TMPRSS11E: variants seen among roughly 807,000 people sequenced by gnomAD.
TMPRSS11E encodes the protein transmembrane protease serine 11E.
In TMPRSS11E, 38 loss-of-function variants were observed where a neutral mutation model predicts 48.1. That is an observed-to-expected ratio of 0.79 (90% confidence interval 0.61 to 1.04). The LOEUF (loss-of-function observed/expected upper bound fraction) is 1.04. Ranked by LOEUF, TMPRSS11E falls within the 50% of genes least tolerant of loss-of-function variation. TMPRSS11E has a pLI of 0.00. For synonymous variants in TMPRSS11E, 158 were observed against 171.9 expected (o/e 0.92, Z 0.63); for missense variants, 530 against 510.8 (o/e 1.04, Z -0.36).
chr4:68,482,077 T>C (rs1443124052), intron 9 of TMPRSS11E, among the ~76,000 whole-genome samples: 1 of 152,168 alleles, frequency 6.6e-6, no homozygotes, highest in Non-Finnish European at 1.5e-5. Flanking sequence ...GCTCGGTTTC[T>C]AGGGAGGAAG....
intron 9 of TMPRSS11E, among the ~76,000 whole-genome samples, chr4:68,490,651 A>G (rs182911021): frequency 6.6e-6 from 1 of 151,228 alleles, no homozygotes; most frequent in African/African-American, 2.4e-5. Flanking sequence ...GTGGTGAAAG[A>G]CTTGACTTCC....
chr4:68,484,431 T>C (rs1341122512), intron 9 of TMPRSS11E, among the ~76,000 whole-genome samples: 5 of 152,148 alleles, frequency 3.3e-5, no homozygotes, highest in Non-Finnish European at 7.4e-5. Context: ...TTCAGTCTCC[T>C]GAGTAGCGGG....
In TMPRSS11E at chr4:68,476,282, AAACTCT is replaced by A; in HGVS notation, c.553_558del (p.Thr185_Leu186del). On this transcript the variant is annotated inframe_deletion, in exon 7 of 10. Transcript: ENST00000305363. ...GCAGGCTGCGGAACACGAAGAAGTAAAACTCTAGGTCAGAGTCTCAGGATCGTTGGT... is the reference window on the plus strand; with the variant it reads ...GCAGGCTGCGGAACACGAAGAAGTAAAGGTCAGAGTCTCAGGATCGTTGGT... The A allele has an allele frequency of 6.2e-7, 1 of 1,614,126 alleles. No individual in the cohort carries two copies. The highest frequency in any genetic ancestry group is 8.5e-7 in the Non-Finnish European group (1 of 1,179,996).
chr4:68,459,709 A>G (rs1728735772), intron 1 of TMPRSS11E, among the ~76,000 whole-genome samples: 1 of 152,224 alleles, frequency 6.6e-6, no homozygotes, highest in African/African-American at 2.4e-5. Context: ...AATATTTCAC[A>G]ATTCTATATA....
At chr4:68,447,629 T>C in intron 1 of TMPRSS11E, 106 bp downstream of exon 1, 1 of 862,614 alleles carries the variant, frequency 1.2e-6, no homozygotes, top group East Asian at 2.7e-5. Flanking sequence ...ATTATTTTTT[T>C]AAATATAGAA....
At chr4:68,488,791 C>T (rs899721959) in intron 9 of TMPRSS11E, among the ~76,000 whole-genome samples, 3 of 152,200 alleles carry the variant, frequency 2.0e-5, no homozygotes, top group Non-Finnish European at 4.4e-5. Context: ...TACCCACCTT[C>T]GGCCTCCCAA....
intron 9 of TMPRSS11E, among the ~76,000 whole-genome samples, chr4:68,496,390 G>C (rs959655095): frequency 6.6e-6 from 1 of 151,998 alleles, no homozygotes; most frequent in African/African-American, 2.4e-5. Flanking sequence ...AGAGATGGAG[G>C]CTTCAATCTC....
At chr4:68,490,571 G>T (rs904030508) in intron 9 of TMPRSS11E, among the ~76,000 whole-genome samples, 2 of 151,766 alleles carry the variant, frequency 1.3e-5, no homozygotes, top group African/African-American at 4.8e-5. Flanking sequence ...CTGGCTGAAG[G>T]TACTTTGTTA....
intron 9 of TMPRSS11E, among the ~76,000 whole-genome samples, chr4:68,479,198 T>G (rs1729334154): frequency 1.3e-5 from 2 of 152,204 alleles, no homozygotes; most frequent in Non-Finnish European, 2.9e-5. Flanking sequence ...TCTAATTCTA[T>G]GGCATTTTGT....
At chr4:68,482,420 C>T (rs554497077) in intron 9 of TMPRSS11E, among the ~76,000 whole-genome samples, 2 of 151,920 alleles carry the variant, frequency 1.3e-5, no homozygotes, top group Admixed American at 6.6e-5. Context: ...GCCTTCCTAA[C>T]AGTCCCCAAA....
At chr4:68,494,246 G>C (rs1340472014) in intron 9 of TMPRSS11E, among the ~76,000 whole-genome samples, 3 of 151,914 alleles carry the variant, frequency 2.0e-5, no homozygotes, top group Admixed American at 6.6e-5. Flanking sequence ...ACTTCAAAGT[G>C]ATTTCTATTT....
At chr4:68,465,747 A>G (rs570336510) in intron 2 of TMPRSS11E, among the ~76,000 whole-genome samples, 3 of 152,296 alleles carry the variant, frequency 2.0e-5, no homozygotes, top group Admixed American at 6.5e-5. Flanking sequence ...CTGCTTTCCT[A>G]TAGTAACTAT....
chr4:68,456,758 C>T (rs1728642689), intron 1 of TMPRSS11E, among the ~76,000 whole-genome samples: 1 of 152,110 alleles, frequency 6.6e-6, no homozygotes, highest in African/African-American at 2.4e-5. Context: ...TGCCACACAT[C>T]TGCAACCATC....
Position 68,497,602 on chromosome 4 carries a change from C to G in TMPRSS11E, c.*798C>G, listed in dbSNP as rs1729909248. 1 of 151,812 alleles carries G rather than the reference C, an allele frequency of 6.6e-6. No homozygotes were observed. Among genetic ancestry groups the G allele is most frequent in the Non-Finnish European group, 1.5e-5 (1 of 67,940 alleles). 9.4% of individuals were successfully genotyped at this position (151,812 alleles called of 1,614,324 possible). Reference sequence around the variant, plus strand: ...CATATAACAATAAAATATAAATCACCCATTTGCTTGACATTATGATATGAT... The same window carrying G: ...CATATAACAATAAAATATAAATCACGCATTTGCTTGACATTATGATATGAT... On this transcript the variant is annotated 3_prime_UTR_variant, in exon 10 of 10. Transcript: ENST00000305363.
chr4:68,449,160 A>G (rs1004087015), intron 1 of TMPRSS11E, among the ~76,000 whole-genome samples: 1 of 151,608 alleles, frequency 6.6e-6, no homozygotes, highest in Non-Finnish European at 1.5e-5. Flanking sequence ...GTAGGAAAAA[A>G]TTTAAACTGG....
chr4:68,464,227 G>A (rs555325563), intron 2 of TMPRSS11E, among the ~76,000 whole-genome samples: 47 of 152,234 alleles, frequency 3.1e-4, no homozygotes, highest in African/African-American at 1.1e-3. Flanking sequence ...AAGCTGACAT[G>A]CCAAAATAAC....
At chr4:68,474,111 A>C (rs1316183549) in intron 5 of TMPRSS11E, among the ~76,000 whole-genome samples, 1 of 152,162 alleles carries the variant, frequency 6.6e-6, no homozygotes, top group Admixed American at 6.6e-5. Context: ...ATAGGGTTTG[A>C]GACTGACTAG....
At chr4:68,485,004 G>A (rs1902022) in intron 9 of TMPRSS11E, among the ~76,000 whole-genome samples, 1 of 151,998 alleles carries the variant, frequency 6.6e-6, no homozygotes, top group Admixed American at 6.6e-5. Flanking sequence ...AGTAGTGAGA[G>A]TGCACATCCT....
chr4:68,496,135 G>T (rs1485029524), intron 9 of TMPRSS11E, among the ~76,000 whole-genome samples: 1 of 152,046 alleles, frequency 6.6e-6, no homozygotes, highest in Non-Finnish European at 1.5e-5. Flanking sequence ...GGTATTATTA[G>T]GAGCATTTAC....
Sources: gnomAD v4.1 joint callset for allele counts (sites outside exome capture counted in the v4.1 genomes callset) on GRCh38, gnomAD v4.1.1 for gene constraint, MANE v1.5 for transcripts, NCBI Gene and HGNC (gene_info 2026-07-23, HGNC 2026-07-21) for gene names.